Variants in SOX6 observed in about 807,000 individuals in gnomAD.
SOX6 encodes SRY-box transcription factor 6.
Under a neutral mutation model 97.8 loss-of-function variants are expected in SOX6, and 11 were observed. The observed-to-expected ratio is 0.11, with a 90% CI of 0.07 to 0.19. SOX6 has a LOEUF of 0.19. Among genes scored for constraint, SOX6 ranks in the 10% least tolerant of loss-of-function variants. The pLI is 1.00. For missense variants in SOX6, 810 were observed against 1,039.5 expected (o/e 0.78, Z 3.04); for synonymous variants, 360 against 371.4 (o/e 0.97, Z 0.35).
chr11:16,488,413 T>A (rs1482908453), intron 4 of SOX6, among the ~76,000 whole-genome samples: 1 of 151,924 alleles, frequency 6.6e-6, no homozygotes, highest in Non-Finnish European at 1.5e-5. Context: ...CCTCCCAAAG[T>A]TTTTGTGGGG....
intron 3 of SOX6, among the ~76,000 whole-genome samples, chr11:16,285,939 A>C (rs1346490488): frequency 6.6e-6 from 1 of 152,156 alleles, no homozygotes; most frequent in Admixed American, 6.6e-5. Flanking sequence ...AGAATTTCCC[A>C]AGAGAATACA....
chr11:16,091,674 T>TA (rs1354610806), intron 9 of SOX6, among the ~76,000 whole-genome samples: 5 of 152,078 alleles, frequency 3.3e-5, no homozygotes, highest in Non-Finnish European at 7.4e-5. Flanking sequence ...TGGCAAGACT[T>TA]CAGTAGTTTC....
intron 3 of SOX6, among the ~76,000 whole-genome samples, chr11:16,673,001 G>A (rs544566028): frequency 2.0e-5 from 3 of 152,258 alleles, no homozygotes; most frequent in African/African-American, 4.8e-5. Context: ...ATACACAGCA[G>A]GCGGAGGTTG....
intron 6 of SOX6, among the ~76,000 whole-genome samples, chr11:16,120,611 A>C (rs1396346484): frequency 6.6e-6 from 1 of 151,150 alleles, no homozygotes; most frequent in South Asian, 2.1e-4. Context: ...AATATACTTC[A>C]ATGAAAAGTT....
intron 1 of SOX6, among the ~76,000 whole-genome samples, chr11:16,411,093 T>G (rs1378060856): frequency 1.3e-5 from 2 of 152,042 alleles, no homozygotes; most frequent in Non-Finnish European, 2.9e-5. Context: ...CATTTTAAAT[T>G]GTATTTGGTC....
chr11:16,710,951 C>T (rs1016572375), intron 3 of SOX6, among the ~76,000 whole-genome samples: 1 of 151,994 alleles, frequency 6.6e-6, no homozygotes, highest in African/African-American at 2.4e-5. Context: ...AAAATTTGTC[C>T]ATAAGTTGTT....
At chr11:16,102,258 C>A (rs1008368015) in intron 7 of SOX6, among the ~76,000 whole-genome samples, 1 of 151,832 alleles carries the variant, frequency 6.6e-6, no homozygotes. Flanking sequence ...AGAATCAAAT[C>A]AAGAACTCAA....
intron 4 of SOX6, among the ~76,000 whole-genome samples, chr11:16,576,550 T>G (rs76671165): frequency 0.024 from 3,688 of 152,324 alleles, 154 homozygotes; most frequent in African/African-American, 0.083. Context: ...CATAAAATGA[T>G]GTTTAACATT....
At chr11:16,694,022 C>T (rs1437134681) in intron 3 of SOX6, among the ~76,000 whole-genome samples, 1 of 152,118 alleles carries the variant, frequency 6.6e-6, no homozygotes, top group Admixed American at 6.6e-5. Flanking sequence ...CATTTCTTCC[C>T]AAACCAAGTA....
chr11:16,133,477 T>C (rs796937720), intron 6 of SOX6, among the ~76,000 whole-genome samples: 10 of 152,288 alleles, frequency 6.6e-5, no homozygotes, highest in African/African-American at 2.2e-4. Flanking sequence ...GAGCACTGAT[T>C]AGAGAAGAAT....
At chr11:16,308,908 A>C (rs1405035432) in intron 3 of SOX6, among the ~76,000 whole-genome samples, 1 of 152,216 alleles carries the variant, frequency 6.6e-6, no homozygotes, top group East Asian at 1.9e-4. Context: ...GGAAAATTGC[A>C]GTGAAGGGTC....
chr11:16,668,955 C>T (rs374023420), intron 3 of SOX6, among the ~76,000 whole-genome samples: 96 of 152,316 alleles, frequency 6.3e-4, no homozygotes, highest in African/African-American at 2.2e-3. Flanking sequence ...GAGACTTTAA[C>T]ACCATGCTTT....
intron 4 of SOX6, among the ~76,000 whole-genome samples, chr11:16,231,189 A>T (rs1331257012): frequency 6.6e-6 from 1 of 151,770 alleles, no homozygotes; most frequent in African/African-American, 2.4e-5. Flanking sequence ...AAAGATTGAC[A>T]GCAAAACCAG....
chr11:16,361,844 T>C (rs1392709081), intron 1 of SOX6, among the ~76,000 whole-genome samples: 1 of 152,252 alleles, frequency 6.6e-6, no homozygotes, highest in African/African-American at 2.4e-5. Flanking sequence ...ATATCTTTAC[T>C]TTTAAATGGC....
At chr11:16,158,161 A>G (rs772664406) in intron 6 of SOX6, among the ~76,000 whole-genome samples, 32 of 152,100 alleles carry the variant, frequency 2.1e-4, no homozygotes, top group Middle Eastern at 6.8e-3. Flanking sequence ...GTTAATCTCT[A>G]TGCTGAAATT....
intron 4 of SOX6, among the ~76,000 whole-genome samples, chr11:16,580,572 G>C (rs1361006278): frequency 2.6e-5 from 4 of 152,044 alleles, no homozygotes; most frequent in Non-Finnish European, 5.9e-5. Flanking sequence ...CAATAGCAAA[G>C]ACAAAATCAA....
chr11:16,433,743 A>G (rs1288798951), intron 1 of SOX6, among the ~76,000 whole-genome samples: 2 of 152,162 alleles, frequency 1.3e-5, no homozygotes, highest in African/African-American at 2.4e-5. Context: ...TGGACTGAGC[A>G]TCAAATAATT....
intron 6 of SOX6, among the ~76,000 whole-genome samples, chr11:16,176,871 C>T (rs775310752): frequency 6.6e-6 from 1 of 151,890 alleles, no homozygotes; most frequent in African/African-American, 2.4e-5. Flanking sequence ...CTGGGTTCCC[C>T]TTGTGGCTCT....
In SOX6 at chr11:16,055,889, C is replaced by T. The variant is rs143154836; in HGVS notation, c.1114G>A (p.Ala372Thr). 1.5e-5 allele frequency: 25 copies of T among 1,613,364 alleles called. No homozygotes were observed. Among genetic ancestry groups the T allele is most frequent in the Admixed American group, 1.0e-4 (6 of 59,882 alleles). Reference sequence around the variant, plus strand: ...GACACCTGCATGCTGGCCAGCTGAGCGGCATAGAGCTGCTGCAAAACAGGG... The same window carrying T: ...GACACCTGCATGCTGGCCAGCTGAGTGGCATAGAGCTGCTGCAAAACAGGG... Reference protein sequence around the residue: ...NHKQIEQLYAAQLASMQVSPG... With the variant: ...NHKQIEQLYATQLASMQVSPG... Residue 372 changes from alanine (A) to threonine (T), a missense_variant, in exon 10 of 16, where the codon GCT becomes ACT. Ala to Thr is a moderately conservative substitution (Grantham distance 58). Around this residue, in one of 9 missense-constraint regions of SOX6, gnomAD observed 244 missense variants for 261.0 expected, o/e 0.93. Coordinates refer to ENST00000683767, the MANE Select transcript of SOX6 (RefSeq NM_001367873.1).
Sources: allele counts gnomAD v4.1 joint callset (sites outside exome capture counted in the v4.1 genomes callset), GRCh38; gene constraint gnomAD v4.1.1; regional missense constraint gnomAD v4.1.1; transcripts MANE v1.5; gene names NCBI Gene and HGNC (gene_info 2026-07-23, HGNC 2026-07-21).